The following STAG1 variants were observed in gnomAD, a reference collection of about 807,000 sequenced individuals.
STAG1 encodes cohesin subunit SA-1.
A neutral mutation model predicts 170.9 loss-of-function variants in STAG1; 26 were observed. That is an observed-to-expected ratio of 0.15 (90% CI 0.11 to 0.21). The LOEUF (loss-of-function observed/expected upper bound fraction) is 0.21, where lower values mean the gene tolerates loss of function less well. STAG1 is among the 10% of genes least tolerant of loss of function. STAG1 has a pLI of 1.00. For missense variants in STAG1, 964 were observed against 1,509.5 expected (o/e 0.64, Z 5.99); for synonymous variants, 514 against 497.7 (o/e 1.03, Z -0.44).
chr3:136,718,650 C>T (rs1296963929), intron 1 of STAG1, among the ~76,000 whole-genome samples: 13 of 152,118 alleles, frequency 8.5e-5, no homozygotes, highest in Admixed American at 8.5e-4. Context: ...GGTGGCCAGG[C>T]GTGGTGGCTC....
chr3:136,380,650 C>A (rs1003442704), intron 22 of STAG1, among the ~76,000 whole-genome samples: 1 of 151,974 alleles, frequency 6.6e-6, no homozygotes, highest in Non-Finnish European at 1.5e-5. Flanking sequence ...TCGGGTAGAG[C>A]CTGTTGATGA....
intron 4 of STAG1, among the ~76,000 whole-genome samples, chr3:136,596,438 T>A (rs959837199): frequency 1.3e-5 from 2 of 152,120 alleles, no homozygotes; most frequent in Non-Finnish European, 2.9e-5. Context: ...CATAATAATA[T>A]TGCACACACA....
At chr3:136,704,821 C>CAAAAAAAAAAAAAAAAAAAAAAAAA in intron 1 of STAG1, among the ~76,000 whole-genome samples, 1 of 51,424 alleles carries the variant, frequency 1.9e-5, no homozygotes, top group Non-Finnish European at 3.6e-5. Context: ...GTCCCTGTCT[C>CAAAAAAAAAAAAAAAAAAAAAAAAA]AAAAAAAAAA....
At chr3:136,576,962 A>G (rs1012271528) in intron 4 of STAG1, among the ~76,000 whole-genome samples, 2 of 152,224 alleles carry the variant, frequency 1.3e-5, no homozygotes, top group Non-Finnish European at 1.5e-5. Flanking sequence ...TGGATTAAAG[A>G]TAGAGCTTAG....
At chr3:136,457,405 T>C (rs963222164) in intron 13 of STAG1, among the ~76,000 whole-genome samples, 2 of 152,178 alleles carry the variant, frequency 1.3e-5, no homozygotes, top group African/African-American at 4.8e-5. Flanking sequence ...GATGCACCGC[T>C]ACCTTTCTAC....
chr3:136,735,250 T>C (rs993574843), intron 1 of STAG1, among the ~76,000 whole-genome samples: 5 of 150,974 alleles, frequency 3.3e-5, no homozygotes, highest in African/African-American at 1.2e-4. Context: ...CTCAGCCTCC[T>C]GAGTAGATAG....
chr3:136,350,145 A>C (rs1386977692), intron 28 of STAG1, among the ~76,000 whole-genome samples: 1 of 152,156 alleles, frequency 6.6e-6, no homozygotes, highest in Non-Finnish European at 1.5e-5. Flanking sequence ...CATTCAAAAA[A>C]AAAAAGAAAA....
At chr3:136,658,907 C>G (rs1941481375) in intron 1 of STAG1, among the ~76,000 whole-genome samples, 1 of 152,104 alleles carries the variant, frequency 6.6e-6, no homozygotes. Context: ...ACAGTACACA[C>G]CACAACCTCC....
At chr3:136,631,448 G>A (rs1198361776) in intron 1 of STAG1, among the ~76,000 whole-genome samples, 2 of 152,186 alleles carry the variant, frequency 1.3e-5, no homozygotes, top group Admixed American at 6.5e-5. Context: ...TTTTAGGGCA[G>A]TGAAACATGT....
chr3:136,445,726 T>C (rs1317139896), intron 14 of STAG1, among the ~76,000 whole-genome samples: 2 of 152,222 alleles, frequency 1.3e-5, no homozygotes, highest in African/African-American at 2.4e-5. Context: ...ATACCTTCAA[T>C]AAATACAGAC....
At chr3:136,519,799 G>C (rs184799293) in intron 7 of STAG1, among the ~76,000 whole-genome samples, 26 of 152,016 alleles carry the variant, frequency 1.7e-4, no homozygotes, top group Non-Finnish European at 2.2e-4. Context: ...TTTTCTTCCT[G>C]ATAATGAGGA....
chr3:136,358,217 T>C (rs934040173), intron 27 of STAG1, among the ~76,000 whole-genome samples: 10 of 151,898 alleles, frequency 6.6e-5, no homozygotes, highest in Non-Finnish European at 1.2e-4. Context: ...CCCGAGTAGC[T>C]GGGACTACAC....
chr3:136,696,398 T>C (rs1942893008), intron 1 of STAG1, among the ~76,000 whole-genome samples: 3 of 152,194 alleles, frequency 2.0e-5, no homozygotes, highest in Admixed American at 2.0e-4. Context: ...TATAAATGAT[T>C]TTCATAAGAG....
Position 136,363,681 on chromosome 3 carries a change from T to A in STAG1, c.2686-214A>T, listed in dbSNP as rs187559219. Among the ~76,000 whole-genome samples, 4 of 152,342 alleles carry A rather than the reference T, an allele frequency of 2.6e-5. No individual in the cohort carries two copies. The East Asian group carries it at 7.7e-4, about 29-fold the overall frequency. ...TAAAGTTACAGGAATGCACATTTGATGTTTAAGATTATGAACTAATACTAG... is the reference window on the plus strand; with the variant it reads ...TAAAGTTACAGGAATGCACATTTGAAGTTTAAGATTATGAACTAATACTAG... On this transcript the variant is annotated intron_variant, in intron 25 of 33. Transcript: ENST00000383202.
chr3:136,709,293 A>AT (rs1943320219), intron 1 of STAG1, among the ~76,000 whole-genome samples: 1 of 151,626 alleles, frequency 6.6e-6, no homozygotes, highest in Non-Finnish European at 1.5e-5. Context: ...CTGTCTCAAA[A>AT]AAAACAAAAA....
chr3:136,724,733 T>C (rs1238491491), intron 1 of STAG1, among the ~76,000 whole-genome samples: 1 of 152,120 alleles, frequency 6.6e-6, no homozygotes, highest in African/African-American at 2.4e-5. Context: ...AGTGATGTGG[T>C]TGGGTTTTAG....
intron 5 of STAG1, among the ~76,000 whole-genome samples, chr3:136,547,205 A>T (rs1936190356): frequency 6.6e-6 from 1 of 152,224 alleles, no homozygotes; most frequent in African/African-American, 2.4e-5. Flanking sequence ...TCCCATACAC[A>T]TCAGATTCAG....
Position 136,340,623 on chromosome 3 carries a change from T to G in STAG1, c.3558-18A>C, listed in dbSNP as rs181860471. On this transcript the variant is annotated intron_variant, in intron 31 of 33. Coordinates refer to ENST00000383202, the MANE Select transcript of STAG1 (RefSeq NM_005862.3). ...GACCCCGACTGGTAAGAAAAAGGTA[T>G]TGTCAGAAAGCTCATCAGACTCCAC... The G allele has an allele frequency of 6.5e-7, 1 of 1,545,110 alleles. No individual in the cohort carries two copies. Among genetic ancestry groups the G allele is most frequent in the East Asian group, 2.2e-5 (1 of 44,524 alleles).
chr3:136,420,135 T>C (rs1227719738), intron 20 of STAG1, among the ~76,000 whole-genome samples: 1 of 149,166 alleles, frequency 6.7e-6, no homozygotes, highest in East Asian at 2.0e-4. Context: ...TGGTCCCAGC[T>C]ACTCGAGAGG....
Sources: allele counts gnomAD v4.1 joint callset (sites outside exome capture counted in the v4.1 genomes callset), GRCh38; gene constraint gnomAD v4.1.1; transcripts MANE v1.5; gene names NCBI Gene and HGNC (gene_info 2026-07-23, HGNC 2026-07-21).